Variants in SH3RF1 observed in about 807,000 individuals in gnomAD.
SH3RF1 encodes the protein E3 ubiquitin-protein ligase SH3RF1.
SH3RF1 carries 32 observed loss-of-function variants against 74.0 expected under a neutral mutation model. The ratio of observed to expected loss-of-function variants is 0.43; its 90% CI spans 0.33 to 0.58. SH3RF1 has a LOEUF of 0.58. Among genes scored for constraint, SH3RF1 ranks in the 20% least tolerant of loss-of-function variants. The probability of loss-of-function intolerance (pLI) is 0.05; values close to 1 mark genes in which losing one functional copy is unlikely to be tolerated. For synonymous variants in SH3RF1, 396 were observed against 439.6 expected (o/e 0.90, Z 1.24); for missense variants, 954 against 1,130.9 (o/e 0.84, Z 2.24).
intron 6 of SH3RF1, among the ~76,000 whole-genome samples, chr4:169,123,914 G>A (rs989007478): frequency 6.6e-6 from 1 of 151,956 alleles, no homozygotes; most frequent in South Asian, 2.1e-4. Flanking sequence ...AATTGTTATA[G>A]CTCTGGAATT....
intron 11 of SH3RF1, among the ~76,000 whole-genome samples, chr4:169,100,927 A>T (rs543446359): frequency 6.6e-6 from 1 of 152,076 alleles, no homozygotes; most frequent in African/African-American, 2.4e-5. Context: ...CTTTGACGCT[A>T]TCTCTCCCAC....
intron 2 of SH3RF1, among the ~76,000 whole-genome samples, chr4:169,223,703 C>T (rs1046248870): frequency 6.6e-6 from 1 of 152,072 alleles, no homozygotes; most frequent in Non-Finnish European, 1.5e-5. Context: ...AGCATATCAA[C>T]AAATAATTAT....
chr4:169,157,416 G>A (rs1004698429), intron 2 of SH3RF1, among the ~76,000 whole-genome samples: 1 of 152,222 alleles, frequency 6.6e-6, no homozygotes, highest in Non-Finnish European at 1.5e-5. Context: ...TAAGCTAAGA[G>A]ATGAGGAATT....
chr4:169,130,870 C>T (rs1287145682), intron 5 of SH3RF1, among the ~76,000 whole-genome samples: 1 of 152,186 alleles, frequency 6.6e-6, no homozygotes, highest in Non-Finnish European at 1.5e-5. Flanking sequence ...ATAGCAGGTC[C>T]AACTGCAGAA....
At chr4:169,148,505 A>G (rs1733928172) in intron 4 of SH3RF1, among the ~76,000 whole-genome samples, 1 of 152,260 alleles carries the variant, frequency 6.6e-6, no homozygotes, top group South Asian at 2.1e-4. Context: ...ATACACGATG[A>G]GACTTAGGAT....
chr4:169,180,342 T>C (rs1482936467), intron 2 of SH3RF1, among the ~76,000 whole-genome samples: 1 of 152,252 alleles, frequency 6.6e-6, no homozygotes, highest in Admixed American at 6.5e-5. Flanking sequence ...AAGTCCCGCT[T>C]GTATAAATAC....
chr4:169,123,926 G>C (rs1733483463), intron 6 of SH3RF1, among the ~76,000 whole-genome samples: 1 of 152,028 alleles, frequency 6.6e-6, no homozygotes, highest in Non-Finnish European at 1.5e-5. Context: ...TCTGGAATTT[G>C]CATGTACTGA....
At chr4:169,119,174 G>A (rs1733396074) in intron 8 of SH3RF1, among the ~76,000 whole-genome samples, 1 of 151,718 alleles carries the variant, frequency 6.6e-6, no homozygotes, top group African/African-American at 2.4e-5. Flanking sequence ...CATGATCTCG[G>A]CTCACTGCAG....
At chr4:169,221,684 A>AT (rs1730566365) in intron 2 of SH3RF1, among the ~76,000 whole-genome samples, 1 of 152,204 alleles carries the variant, frequency 6.6e-6, no homozygotes, top group Non-Finnish European at 1.5e-5. Context: ...AACATATTTT[A>AT]TGTCTGATAA....
At chr4:169,133,883 T>C (rs1733656490) in intron 5 of SH3RF1, among the ~76,000 whole-genome samples, 1 of 152,026 alleles carries the variant, frequency 6.6e-6, no homozygotes, top group South Asian at 2.1e-4. Context: ...TAGCAATGGG[T>C]CTCAGTTAAA....
chr4:169,178,272 A>AT (rs1417786118), intron 2 of SH3RF1, among the ~76,000 whole-genome samples: 2 of 59,176 alleles, frequency 3.4e-5, no homozygotes, highest in Admixed American at 3.6e-4. Context: ...AAAAAAAAAA[A>AT]TTTTTTTTTA....
intron 2 of SH3RF1, among the ~76,000 whole-genome samples, chr4:169,254,517 T>C (rs1561065770): frequency 2.6e-5 from 4 of 152,182 alleles, no homozygotes; most frequent in Admixed American, 1.3e-4. Context: ...TAGTGGCCAA[T>C]TGCTGACACT....
intron 2 of SH3RF1, among the ~76,000 whole-genome samples, chr4:169,251,722 G>C (rs182918207): frequency 9.9e-5 from 15 of 152,274 alleles, no homozygotes; most frequent in African/African-American, 3.6e-4. Context: ...CACCTATAAG[G>C]AATGCATCAG....
intron 11 of SH3RF1, among the ~76,000 whole-genome samples, chr4:169,105,492 A>G (rs1009673877): frequency 6.6e-6 from 1 of 152,204 alleles, no homozygotes; most frequent in Admixed American, 6.5e-5. Context: ...TGGAATCACT[A>G]AAACAGGGCT....
At chr4:169,230,720 G>A (rs958699794) in intron 2 of SH3RF1, among the ~76,000 whole-genome samples, 7 of 151,912 alleles carry the variant, frequency 4.6e-5, no homozygotes, top group African/African-American at 7.3e-5. Context: ...TTAGCTGGGC[G>A]TGGTGGCACA....
chr4:169,264,458 G>A (rs1731322154), intron 2 of SH3RF1, among the ~76,000 whole-genome samples: 1 of 152,178 alleles, frequency 6.6e-6, no homozygotes, highest in Admixed American at 6.5e-5. Flanking sequence ...AATGTTGGGG[G>A]ACATAATTCA....
At chr4:169,163,131 A>G (rs1280286680) in intron 2 of SH3RF1, among the ~76,000 whole-genome samples, 1 of 152,116 alleles carries the variant, frequency 6.6e-6, no homozygotes, top group Non-Finnish European at 1.5e-5. Flanking sequence ...GAGATAAAGG[A>G]AAGTAGATAA....
At chr4:169,146,772 GT>G (rs1225963394) in intron 4 of SH3RF1, among the ~76,000 whole-genome samples, 2 of 152,082 alleles carry the variant, frequency 1.3e-5, no homozygotes, top group East Asian at 3.9e-4. Flanking sequence ...GGGGAGTGTA[GT>G]CAAGGAATAG....
chr4:169,173,765 T>C (rs946972876), intron 2 of SH3RF1, among the ~76,000 whole-genome samples: 3 of 152,142 alleles, frequency 2.0e-5, no homozygotes, highest in Admixed American at 1.3e-4. Flanking sequence ...TTTTTTTTAA[T>C]AAGCTACTTT....
Sources: gnomAD v4.1 joint callset for allele counts (sites outside exome capture counted in the v4.1 genomes callset) on GRCh38, gnomAD v4.1.1 for gene constraint, MANE v1.5 for transcripts, NCBI Gene and HGNC (gene_info 2026-07-23, HGNC 2026-07-21) for gene names.